The following CLNK variants were observed in gnomAD, a reference collection of about 807,000 sequenced individuals.
The protein encoded by CLNK is cytokine-dependent hematopoietic cell linker.
In CLNK, 74 loss-of-function variants were observed where a neutral mutation model predicts 68.6. The observed-to-expected ratio is 1.08, with a 90% confidence interval of 0.89 to 1.31. The LOEUF (loss-of-function observed/expected upper bound fraction) is 1.31. Ranked by LOEUF, CLNK falls within the 50% of genes most tolerant of loss-of-function variation. The probability of loss-of-function intolerance (pLI) is 0.00; values close to 1 mark genes in which losing one functional copy is unlikely to be tolerated. For missense variants in CLNK, 553 were observed against 515.3 expected (o/e 1.07, Z -0.71); for synonymous variants, 198 against 172.2 (o/e 1.15, Z -1.17).
intron 11 of CLNK, among the ~76,000 whole-genome samples, chr4:10,533,884 C>T (rs1195904277): frequency 6.6e-6 from 1 of 152,166 alleles, no homozygotes; most frequent in Non-Finnish European, 1.5e-5. Flanking sequence ...TATATTTATA[C>T]ATTTACTTTC....
intron 16 of CLNK, among the ~76,000 whole-genome samples, chr4:10,509,651 A>G (rs1020199004): frequency 6.6e-6 from 1 of 151,894 alleles, no homozygotes; most frequent in Admixed American, 6.6e-5. Context: ...CAGCCTCCCA[A>G]GTGGCTGGGA....
At chr4:10,556,103 G>A (rs985593237) in intron 8 of CLNK, among the ~76,000 whole-genome samples, 2 of 152,096 alleles carry the variant, frequency 1.3e-5, no homozygotes, top group East Asian at 1.9e-4. Context: ...TTTACAAAAC[G>A]CTCATATTTT....
chr4:10,518,111 A>T (rs930964711), intron 15 of CLNK, among the ~76,000 whole-genome samples: 4 of 152,192 alleles, frequency 2.6e-5, no homozygotes, highest in Non-Finnish European at 5.9e-5. Context: ...ATGAAGCCAC[A>T]AGACAAGGAG....
chr4:10,660,762 C>A (rs1233244387), intron 2 of CLNK, among the ~76,000 whole-genome samples: 3 of 152,184 alleles, frequency 2.0e-5, no homozygotes, highest in Admixed American at 6.5e-5. Context: ...TCCCTCATCA[C>A]CGACCATCTT....
intron 8 of CLNK, among the ~76,000 whole-genome samples, chr4:10,550,241 C>A (rs1719392531): frequency 6.6e-6 from 1 of 152,186 alleles, no homozygotes; most frequent in Non-Finnish European, 1.5e-5. Flanking sequence ...AGCCTGTAAT[C>A]CCAGCACTTT....
chr4:10,656,045 C>T (rs1181016018), intron 2 of CLNK, among the ~76,000 whole-genome samples: 4 of 152,018 alleles, frequency 2.6e-5, no homozygotes, highest in Non-Finnish European at 5.9e-5. Flanking sequence ...CCACACTATA[C>T]ACAAATTAAT....
At chr4:10,543,783 A>G (rs1719125677) in intron 8 of CLNK, among the ~76,000 whole-genome samples, 1 of 152,228 alleles carries the variant, frequency 6.6e-6, no homozygotes, top group Non-Finnish European at 1.5e-5. Context: ...TTTTTGAAAA[A>G]CACTTTTGAA....
Position 10,520,795 on chromosome 4 carries a change from G to C in CLNK, c.768C>G (p.Asn256Lys). 6.2e-7 allele frequency: 1 copy of C among 1,605,752 alleles called. No homozygotes were observed. Among genetic ancestry groups the C allele is most frequent in the Non-Finnish European group, 8.5e-7 (1 of 1,174,372 alleles). Residue 256 changes from asparagine to lysine, a missense_variant, in exon 15 of 19, where the codon AAC (asparagine) becomes AAG (lysine). Asn to Lys is a moderately conservative substitution (Grantham distance 94). Coordinates refer to ENST00000226951, the MANE Select transcript of CLNK (RefSeq NM_052964.4). ...SFTTSNHSVQNRDHRGGMQPC... is the reference protein window; with the variant it reads ...SFTTSNHSVQKRDHRGGMQPC... ...TAATTCTGAAAGTGCTCTTACCTCTGTTTTGCACACTGTGGTTGCTTGTCG... is the reference window on the plus strand; with the variant it reads ...TAATTCTGAAAGTGCTCTTACCTCTCTTTTGCACACTGTGGTTGCTTGTCG...
At chr4:10,637,803 C>T (rs1723154647) in intron 2 of CLNK, among the ~76,000 whole-genome samples, 1 of 133,724 alleles carries the variant, frequency 7.5e-6, no homozygotes. Flanking sequence ...GGGGTTTCAC[C>T]GTGTTAGCCA....
At chr4:10,496,986 G>T (rs1011452630) in intron 18 of CLNK, among the ~76,000 whole-genome samples, 7 of 152,122 alleles carry the variant, frequency 4.6e-5, no homozygotes, top group African/African-American at 7.2e-5. Context: ...TTCTTTCCTT[G>T]CTTTGTTTGT....
At chr4:10,711,875 T>C in the CLNK span, among the ~76,000 whole-genome samples, 1 of 152,164 alleles carries the variant, frequency 6.6e-6, no homozygotes, top group East Asian at 1.9e-4. Context: ...AAAAGAAGGT[T>C]TGAAGTTGGG....
intron 5 of CLNK, among the ~76,000 whole-genome samples, chr4:10,568,008 T>C (rs1044055784): frequency 3.9e-5 from 6 of 152,192 alleles, no homozygotes; most frequent in African/African-American, 1.4e-4. Context: ...AGAAAATGCT[T>C]TGGCAGTTCC....
At chr4:10,551,481 T>A (rs1294451329) in intron 8 of CLNK, among the ~76,000 whole-genome samples, 2 of 151,916 alleles carry the variant, frequency 1.3e-5, no homozygotes, top group Non-Finnish European at 2.9e-5. Context: ...GGCTCCTGAG[T>A]TGTCTCGAAA....
the CLNK span, among the ~76,000 whole-genome samples, chr4:10,697,958 A>G: frequency 6.6e-6 from 1 of 152,242 alleles, no homozygotes. Context: ...ATCATCAAAC[A>G]GAACCATGAA....
At chr4:10,544,789 G>A (rs1414850859) in intron 8 of CLNK, among the ~76,000 whole-genome samples, 2 of 152,106 alleles carry the variant, frequency 1.3e-5, no homozygotes, top group Non-Finnish European at 2.9e-5. Context: ...ACAAAGAGGG[G>A]CATGTGGTGA....
intron 4 of CLNK, among the ~76,000 whole-genome samples, 188 bp downstream of exon 4, chr4:10,584,739 C>T (rs1720910182): frequency 6.6e-6 from 1 of 152,180 alleles, no homozygotes; most frequent in South Asian, 2.1e-4. Context: ...CACCCAGCCT[C>T]CAAAGCTTTG....
intron 8 of CLNK, among the ~76,000 whole-genome samples, chr4:10,543,081 T>C (rs1285024377): frequency 6.6e-6 from 1 of 152,130 alleles, no homozygotes; most frequent in Non-Finnish European, 1.5e-5. Context: ...AGCTTCTGGC[T>C]CTGGGGATGT....
chr4:10,691,070 C>T, the CLNK span, among the ~76,000 whole-genome samples: 1 of 152,072 alleles, frequency 6.6e-6, no homozygotes, highest in African/African-American at 2.4e-5. Flanking sequence ...ATGAAAAAGA[C>T]CCAGCCACGT....
At chr4:10,541,617 A>T (rs1326814280) in intron 10 of CLNK, among the ~76,000 whole-genome samples, 1 of 151,866 alleles carries the variant, frequency 6.6e-6, no homozygotes, top group African/African-American at 2.4e-5. Context: ...TATATCTCAC[A>T]TGAATATATA....
Sources: allele counts gnomAD v4.1 joint callset (sites outside exome capture counted in the v4.1 genomes callset), GRCh38; gene constraint gnomAD v4.1.1; transcripts MANE v1.5; gene names NCBI Gene and HGNC (gene_info 2026-07-23, HGNC 2026-07-21).